DCLK2: variants seen among roughly 807,000 people sequenced by gnomAD.
DCLK2 encodes doublecortin like kinase 2, also known as serine/threonine-protein kinase DCLK2.
Under a neutral mutation model 78.4 loss-of-function variants are expected in DCLK2, and 31 were observed. The ratio of observed to expected loss-of-function variants is 0.40; its 90% CI spans 0.30 to 0.53. DCLK2 has a LOEUF of 0.53. Among genes scored for constraint, DCLK2 ranks in the 20% least tolerant of loss-of-function variants. DCLK2 has a pLI of 0.61. For synonymous variants in DCLK2, 407 were observed against 374.9 expected (o/e 1.09, Z -0.99); for missense variants, 872 against 973.7 (o/e 0.90, Z 1.39).
intron 1 of DCLK2, among the ~76,000 whole-genome samples, chr4:150,080,971 A>G (rs1013082030): frequency 1.3e-5 from 2 of 152,178 alleles, no homozygotes; most frequent in Non-Finnish European, 2.9e-5. Flanking sequence ...GGAAGATACA[A>G]TGTTCAAAGG....
Position 150,247,634 on chromosome 4 carries a change from C to G in DCLK2, c.1810C>G (p.Gln604Glu), listed in dbSNP as rs1000013072. 1 of 1,614,052 alleles carries G rather than the reference C, an allele frequency of 6.2e-7. No individual in the cohort carries two copies. The highest frequency in any genetic ancestry group is 8.5e-7 in the Non-Finnish European group (1 of 1,179,982). The change falls in exon 13 of 16, where the codon CAG becomes GAG. Residue 604 changes from glutamine to glutamate, a missense_variant. This residue lies in a region of DCLK2 where 219 missense variants were observed against 230.1 expected (regional missense o/e 0.95). Coordinates refer to ENST00000296550, the MANE Select transcript of DCLK2 (RefSeq NM_001040260.4). The stretch of plus-strand genomic sequence containing the variant: ...CAATCTCCAGGAAGATCTCTTCGAC[C>G]AGATCTTGGCTGGGAAGCTGGAGTT... ...ENNLQEDLFD[Q>E]ILAGKLEFPA...
At chr4:150,250,173 C>T (rs1381244950) in intron 15 of DCLK2, among the ~76,000 whole-genome samples, 2 of 152,070 alleles carry the variant, frequency 1.3e-5, no homozygotes, top group Non-Finnish European at 1.5e-5. Flanking sequence ...TTTAAAGGTA[C>T]ATAATCAAGG....
At chr4:150,079,642 A>G (rs1729098395) in intron 1 of DCLK2, among the ~76,000 whole-genome samples, 194 bp downstream of exon 1, 2 of 152,220 alleles carry the variant, frequency 1.3e-5, no homozygotes, top group African/African-American at 4.8e-5. Flanking sequence ...TTTCCTTCCC[A>G]AGAGGTTTGT....
chr4:150,193,605 A>G (rs1368443018), intron 3 of DCLK2, among the ~76,000 whole-genome samples: 1 of 152,208 alleles, frequency 6.6e-6, no homozygotes, highest in Non-Finnish European at 1.5e-5. Context: ...GATAGTGTTG[A>G]ACATGAAACA....
At chr4:150,154,802 A>G (rs562945012) in intron 2 of DCLK2, among the ~76,000 whole-genome samples, 1 of 152,322 alleles carries the variant, frequency 6.6e-6, no homozygotes, top group East Asian at 1.9e-4. Context: ...ATATGCAATA[A>G]AATGTACCAA....
At position 150,247,754 on chromosome 4, in the gene DCLK2, T is replaced by G. The variant is rs189136525; in HGVS notation, c.1875+55T>G. On this transcript the variant is annotated intron_variant, in intron 13 of 15. Coordinates refer to ENST00000296550, the MANE Select transcript of DCLK2 (RefSeq NM_001040260.4). ...TATTACGTTGTGGGGTCCTCACCCATTGCACAGGGCTGTAGCTGCGCTAGG... is the reference window on the plus strand; with the variant it reads ...TATTACGTTGTGGGGTCCTCACCCAGTGCACAGGGCTGTAGCTGCGCTAGG... 1.3e-3 allele frequency: 1,834 copies of G among 1,422,788 alleles called. 3 individuals carry two copies. Among genetic ancestry groups the G allele is most frequent in the Non-Finnish European group, 1.4e-3 (1,438 of 1,009,390 alleles). 88.1% of individuals were successfully genotyped at this position (1,422,788 alleles called of 1,614,324 possible). A position where few individuals can be genotyped will look rare whatever the true frequency, so the allele number is the denominator to read the frequency against.
intron 8 of DCLK2, among the ~76,000 whole-genome samples, chr4:150,230,517 A>C (rs2126564634): frequency 6.6e-6 from 1 of 152,330 alleles, no homozygotes; most frequent in Middle Eastern, 3.4e-3. Flanking sequence ...AAAATAAAAA[A>C]CCTATTTAAT....
intron 15 of DCLK2, among the ~76,000 whole-genome samples, chr4:150,252,286 A>G (rs1744230743): frequency 6.6e-6 from 1 of 152,224 alleles, no homozygotes; most frequent in Admixed American, 6.5e-5. Flanking sequence ...AAAATAAAAC[A>G]TTAAAAATTG....
chr4:150,181,618 T>G (rs1272121533), intron 2 of DCLK2, among the ~76,000 whole-genome samples: 5 of 139,910 alleles, frequency 3.6e-5, no homozygotes, highest in African/African-American at 5.9e-5. Flanking sequence ...AGATCCAGTG[T>G]TTTTTTATTT....
intron 2 of DCLK2, among the ~76,000 whole-genome samples, chr4:150,145,518 C>T (rs1020985524): frequency 4.6e-5 from 7 of 152,114 alleles, no homozygotes; most frequent in Non-Finnish European, 7.4e-5. Context: ...AAAGTATTTT[C>T]TTATTTACTT....
chr4:150,180,728 T>A (rs938757176), intron 2 of DCLK2, among the ~76,000 whole-genome samples: 2 of 152,096 alleles, frequency 1.3e-5, no homozygotes, highest in African/African-American at 4.8e-5. Context: ...CTCTTACCCC[T>A]CTTTCTCCCC....
At chr4:150,192,760 G>T (rs1459751) in intron 2 of DCLK2, among the ~76,000 whole-genome samples, 133,401 of 152,086 alleles carry the variant, frequency 0.88, 58,894 homozygotes, top group Middle Eastern at 0.96. Flanking sequence ...AAGCAGAGTT[G>T]TTAGGAGAGG....
At chr4:150,118,564 C>T (rs778655475) in intron 2 of DCLK2, among the ~76,000 whole-genome samples, 1 of 152,032 alleles carries the variant, frequency 6.6e-6, no homozygotes, top group African/African-American at 2.4e-5. Flanking sequence ...ATACAGTATA[C>T]ATGTATACTG....
At chr4:150,142,799 A>G (rs1344929542) in intron 2 of DCLK2, among the ~76,000 whole-genome samples, 1 of 135,950 alleles carries the variant, frequency 7.4e-6, no homozygotes, top group South Asian at 2.9e-4. Flanking sequence ...GAAAACTAAA[A>G]TGCTGATTTT....
intron 2 of DCLK2, among the ~76,000 whole-genome samples, chr4:150,110,532 A>G (rs528838726): frequency 1.3e-5 from 2 of 151,990 alleles, no homozygotes; most frequent in Middle Eastern, 3.4e-3. Flanking sequence ...TTTTGGTTAC[A>G]TGGATGAATT....
At chr4:150,116,935 G>A (rs769243916) in intron 2 of DCLK2, among the ~76,000 whole-genome samples, 2 of 152,136 alleles carry the variant, frequency 1.3e-5, no homozygotes, top group Non-Finnish European at 2.9e-5. Context: ...TGGTGGTGGT[G>A]GGATTTGTGT....
chr4:150,201,026 C>A (rs1397463753), intron 4 of DCLK2, among the ~76,000 whole-genome samples: 1 of 152,048 alleles, frequency 6.6e-6, no homozygotes, highest in East Asian at 1.9e-4. Flanking sequence ...CCATGTTGGC[C>A]AGGCTGGTCT....
chr4:150,160,928 C>A (rs1735658648), intron 2 of DCLK2, among the ~76,000 whole-genome samples: 1 of 152,100 alleles, frequency 6.6e-6, no homozygotes, highest in Non-Finnish European at 1.5e-5. Context: ...TGACAGGAAG[C>A]AGGACTCCTG....
At chr4:150,238,167 C>T (rs987610947) in intron 10 of DCLK2, among the ~76,000 whole-genome samples, 1 of 152,026 alleles carries the variant, frequency 6.6e-6, no homozygotes, top group African/African-American at 2.4e-5. Context: ...CATGCTACCA[C>T]TTAGAGATAA....
Sources: gnomAD v4.1 joint callset for allele counts (sites outside exome capture counted in the v4.1 genomes callset) on GRCh38, gnomAD v4.1.1 for gene constraint, gnomAD v4.1.1 regional missense constraint, MANE v1.5 for transcripts, NCBI Gene and HGNC (gene_info 2026-07-23, HGNC 2026-07-21) for gene names.